Variants in NEGR1 observed in about 807,000 individuals in gnomAD.
The protein encoded by NEGR1 is neuronal growth regulator 1.
A neutral mutation model predicts 40.9 loss-of-function variants in NEGR1; 10 were observed. The ratio of observed to expected loss-of-function variants is 0.24; its 90% CI spans 0.15 to 0.42. NEGR1 has a LOEUF of 0.42. Among genes scored for constraint, NEGR1 ranks in the 10% least tolerant of loss-of-function variants. The pLI, the probability that NEGR1 is intolerant of heterozygous loss-of-function variation, is 1.00. For missense variants in NEGR1, 352 were observed against 438.9 expected (o/e 0.80, Z 1.77); for synonymous variants, 185 against 166.8 (o/e 1.11, Z -0.84).
In NEGR1 at chr1:71,769,019, C is replaced by T. The variant is rs541254874; in HGVS notation, c.535+7153G>A. On this transcript the variant is annotated intron_variant, in intron 3 of 6. Transcript: ENST00000357731. ...CTCCCCAGAAGCAGAAGCTGTTATG[C>T]CTTGCCTCCTGTACAGCCTACAGAA... Among the ~76,000 whole-genome samples, 6 of 152,104 alleles carry T rather than the reference C, an allele frequency of 3.9e-5. No individual in the cohort carries two copies. In the East Asian group the frequency reaches 1.2e-3, roughly 30 times the overall value.
chr1:71,826,714 C>G (rs1658638689), intron 2 of NEGR1, among the ~76,000 whole-genome samples: 1 of 151,876 alleles, frequency 6.6e-6, no homozygotes, highest in African/African-American at 2.4e-5. Flanking sequence ...TACTAAAATA[C>G]ACATTCCAAG....
At chr1:71,446,817 C>T (rs1168970081) in intron 6 of NEGR1, among the ~76,000 whole-genome samples, 1 of 152,172 alleles carries the variant, frequency 6.6e-6, no homozygotes, top group Non-Finnish European at 1.5e-5. Context: ...TAACTAGCCT[C>T]ATCGATAAGA....
At chr1:71,842,410 T>A (rs1387923276) in intron 2 of NEGR1, among the ~76,000 whole-genome samples, 8 of 152,168 alleles carry the variant, frequency 5.3e-5, no homozygotes, top group Admixed American at 2.6e-4. Context: ...TCCAGGAAGC[T>A]GGAGATACAT....
intron 6 of NEGR1, among the ~76,000 whole-genome samples, chr1:71,427,126 A>G (rs558572504): frequency 6.6e-6 from 1 of 152,298 alleles, no homozygotes; most frequent in African/African-American, 2.4e-5. Context: ...CACGTTGGAG[A>G]TGTCATAAGC....
chr1:71,459,836 T>C (rs1467487850), intron 6 of NEGR1, among the ~76,000 whole-genome samples: 4 of 152,202 alleles, frequency 2.6e-5, no homozygotes, highest in African/African-American at 9.7e-5. Flanking sequence ...CATAGTGATT[T>C]CCTTATCCTT....
chr1:71,433,594 G>A (rs1646483653), intron 6 of NEGR1, among the ~76,000 whole-genome samples: 1 of 152,218 alleles, frequency 6.6e-6, no homozygotes, highest in Non-Finnish European at 1.5e-5. Context: ...AGCGGCAAGA[G>A]AAAATGAGGA....
At chr1:71,898,955 T>C (rs1661056706) in intron 2 of NEGR1, among the ~76,000 whole-genome samples, 1 of 109,182 alleles carries the variant, frequency 9.2e-6, no homozygotes, top group African/African-American at 3.8e-5. Flanking sequence ...TGCAAATATA[T>C]ATATATAGCA....
chr1:71,928,059 T>C (rs911465496), intron 2 of NEGR1, among the ~76,000 whole-genome samples: 14 of 88,622 alleles, frequency 1.6e-4, no homozygotes, highest in Non-Finnish European at 2.0e-4. Flanking sequence ...CGTATATATA[T>C]ACACACACAC....
intron 6 of NEGR1, among the ~76,000 whole-genome samples, chr1:71,563,576 C>A (rs1648527986): frequency 6.6e-6 from 1 of 151,870 alleles, no homozygotes; most frequent in Admixed American, 6.6e-5. Context: ...AGGCCCTTTG[C>A]TATCATTTAG....
chr1:71,613,898 C>T (rs1248232544), intron 4 of NEGR1, among the ~76,000 whole-genome samples: 1 of 151,922 alleles, frequency 6.6e-6, no homozygotes, highest in East Asian at 1.9e-4. Flanking sequence ...TTAAAAAGTA[C>T]AGCACTTAAT....
At chr1:71,997,048 T>A (rs953118377) in intron 1 of NEGR1, among the ~76,000 whole-genome samples, 1 of 152,008 alleles carries the variant, frequency 6.6e-6, no homozygotes, top group Non-Finnish European at 1.5e-5. Context: ...TTGCACAGTA[T>A]TAATGTCACC....
intron 6 of NEGR1, among the ~76,000 whole-genome samples, chr1:71,521,391 G>A (rs1647156597): frequency 6.6e-6 from 1 of 152,082 alleles, no homozygotes; most frequent in Middle Eastern, 3.4e-3. Context: ...TGTTACCAGT[G>A]GAATGAGATT....
chr1:71,506,751 T>G (rs535062035), intron 6 of NEGR1, among the ~76,000 whole-genome samples: 1 of 152,082 alleles, frequency 6.6e-6, no homozygotes, highest in East Asian at 1.9e-4. Flanking sequence ...CACTACATGA[T>G]GGGATAAGGC....
chr1:71,705,674 C>T (rs770090660), intron 3 of NEGR1, among the ~76,000 whole-genome samples: 6 of 151,100 alleles, frequency 4.0e-5, no homozygotes, highest in Non-Finnish European at 7.4e-5. Flanking sequence ...GAGCTGAGAT[C>T]GCGCCACTGC....
At chr1:72,158,557 A>T (rs1410648662) in intron 1 of NEGR1, among the ~76,000 whole-genome samples, 1 of 152,066 alleles carries the variant, frequency 6.6e-6, no homozygotes, top group Non-Finnish European at 1.5e-5. Context: ...TCACTCAATG[A>T]TCCCTGGCAT....
intron 3 of NEGR1, among the ~76,000 whole-genome samples, chr1:71,733,658 T>C (rs921473305): frequency 1.3e-5 from 2 of 152,082 alleles, no homozygotes; most frequent in Non-Finnish European, 2.9e-5. Context: ...GTGGAGAAGC[T>C]AGGATAAGTA....
intron 5 of NEGR1, among the ~76,000 whole-genome samples, chr1:71,596,482 A>T (rs1325795034): frequency 6.6e-6 from 1 of 152,198 alleles, no homozygotes; most frequent in Non-Finnish European, 1.5e-5. Flanking sequence ...ATAACTACAG[A>T]TACTTATATT....
chr1:71,990,648 T>C (rs772048546), intron 1 of NEGR1, among the ~76,000 whole-genome samples: 1 of 152,114 alleles, frequency 6.6e-6, no homozygotes, highest in Non-Finnish European at 1.5e-5. Context: ...AGGGAAGTTA[T>C]AAAACATCTG....
At chr1:71,842,873 T>A (rs2101804022) in intron 2 of NEGR1, among the ~76,000 whole-genome samples, 1 of 152,286 alleles carries the variant, frequency 6.6e-6, no homozygotes, top group South Asian at 2.1e-4. Flanking sequence ...GAATCTGTTT[T>A]TCTCCAATAC....
Sources: allele counts gnomAD v4.1 joint callset (sites outside exome capture counted in the v4.1 genomes callset), GRCh38; gene constraint gnomAD v4.1.1; transcripts MANE v1.5; gene names NCBI Gene and HGNC (gene_info 2026-07-23, HGNC 2026-07-21).